COMMD7: variants seen among roughly 807,000 people sequenced by gnomAD.
COMMD7 encodes COMM domain containing 7.
Under a neutral mutation model 34.8 loss-of-function variants are expected in COMMD7, and 28 were observed. The observed-to-expected ratio is 0.80, with a 90% CI of 0.60 to 1.10. The LOEUF is 1.10. COMMD7 is among the 50% of genes least tolerant of loss of function. The pLI, the probability that COMMD7 is intolerant of heterozygous loss-of-function variation, is 0.00. For synonymous variants in COMMD7, 80 were observed against 86.4 expected, an observed-to-expected ratio of 0.93 and a Z score of 0.41; for missense variants, 211 against 241.6, an observed-to-expected ratio of 0.87 and a Z score of 0.84.
intron 3 of COMMD7, among the ~76,000 whole-genome samples, chr20:32,712,021 C>T (rs1281937081): frequency 6.6e-6 from 1 of 150,934 alleles, no homozygotes; most frequent in East Asian, 1.9e-4. Flanking sequence ...CCTGTAATCC[C>T]AGCACTTTGG....
At chr20:32,743,286 C>T in intron 1 of COMMD7, 22 bp downstream of exon 1, 2 of 1,507,650 alleles carry the variant, frequency 1.3e-6, no homozygotes, top group Non-Finnish European at 1.8e-6. Context: ...CCCCGCGCCC[C>T]ACGCCCCGCC....
intron 3 of COMMD7, among the ~76,000 whole-genome samples, chr20:32,709,822 TCTGC>T (rs1984323832): frequency 1.3e-5 from 2 of 152,132 alleles, no homozygotes; most frequent in African/African-American, 4.8e-5. Flanking sequence ...CATTCAGGGT[TCTGC>T]CTGACTCTTA....
At chr20:32,731,024 A>G (rs1165105829) in intron 1 of COMMD7, among the ~76,000 whole-genome samples, 1 of 152,330 alleles carries the variant, frequency 6.6e-6, no homozygotes, top group Admixed American at 6.5e-5. Context: ...TTATTCAAAA[A>G]TGTATTCTAT....
intron 3 of COMMD7, among the ~76,000 whole-genome samples, chr20:32,715,194 A>G (rs1984708894): frequency 6.6e-6 from 1 of 150,978 alleles, no homozygotes. Context: ...AATAATAAAA[A>G]AACAGGCAGC....
In COMMD7 at chr20:32,704,705, C is replaced by T. The variant is rs1600960699; in HGVS notation, c.427+109G>A. The T allele has an allele frequency of 3.5e-6, 3 of 853,832 alleles. No individual in the cohort carries two copies. The East Asian group carries it at 7.3e-5, about 21-fold the overall frequency. 52.9% of individuals were successfully genotyped at this position (853,832 alleles called of 1,614,324 possible). A position where few individuals can be genotyped will look rare whatever the true frequency, so the allele number is the denominator to read the frequency against. ...GAATACAAAACAGCAGCTGCTGCCCCAACAGTGCTAGGGACTAGGTCATGC... is the reference window on the plus strand; with the variant it reads ...GAATACAAAACAGCAGCTGCTGCCCTAACAGTGCTAGGGACTAGGTCATGC... On this transcript the variant is annotated intron_variant, in intron 6 of 8. Coordinates refer to ENST00000278980, the MANE Select transcript of COMMD7 (RefSeq NM_053041.3).
intron 1 of COMMD7, among the ~76,000 whole-genome samples, chr20:32,732,831 G>T (rs1467055542): frequency 1.3e-5 from 2 of 151,764 alleles, no homozygotes; most frequent in African/African-American, 4.8e-5. Flanking sequence ...AGCTACTCGG[G>T]AGGCTGAGGC....
In COMMD7 at chr20:32,706,732, CT is replaced by C; in HGVS notation, c.269del (p.Lys90SerfsTer8). The C allele has an allele frequency of 6.2e-7, 1 of 1,613,868 alleles. No homozygotes were observed. The highest frequency in any genetic ancestry group is 1.1e-5 in the South Asian group (1 of 91,072). On this transcript the variant is annotated frameshift_variant, in exon 4 of 9. Transcript: ENST00000278980. LOFTEE classifies it high-confidence loss of function. ...NGALKKSLTA[K>X]QVQADFITLG... ...GAGTTATGAAATCCGCCTGGACCTGCTTGGCTGTGAGACTCTTCTTCAAAGC... is the reference window on the plus strand; with the variant it reads ...GAGTTATGAAATCCGCCTGGACCTGCTGGCTGTGAGACTCTTCTTCAAAGC...
At chr20:32,717,710 C>G (rs1387685826) in intron 3 of COMMD7, among the ~76,000 whole-genome samples, 2 of 152,082 alleles carry the variant, frequency 1.3e-5, no homozygotes, top group Non-Finnish European at 2.9e-5. Flanking sequence ...GATTCTCCCC[C>G]TTTGACTTCC....
At chr20:32,736,622 A>T (rs1462251544) in intron 1 of COMMD7, among the ~76,000 whole-genome samples, 1 of 152,118 alleles carries the variant, frequency 6.6e-6, no homozygotes, top group African/African-American at 2.4e-5. Flanking sequence ...GTGAGCTGAG[A>T]TCATGCCACT....
At chr20:32,721,821 G>A (rs751456264) in intron 3 of COMMD7, among the ~76,000 whole-genome samples, 4 of 150,678 alleles carry the variant, frequency 2.7e-5, no homozygotes, top group Middle Eastern at 3.5e-3. Context: ...GCTTGAATCC[G>A]GGAGATGGAG....
In COMMD7 at chr20:32,703,510, A is replaced by G. The variant is rs762921081; in HGVS notation, c.527-52T>C. On this transcript the variant is annotated intron_variant, in intron 8 of 8. Transcript: ENST00000278980. ...TAAATGTTTCCAACTCCACAGAATC[A>G]TCCAAGAAAATTAATTTCCACCCGG... 5 of 1,576,164 alleles carry G rather than the reference A, an allele frequency of 3.2e-6. No homozygotes were observed. The East Asian group carries it at 9.0e-5, about 28-fold the overall frequency.
chr20:32,730,800 C>T (rs988727982), intron 1 of COMMD7, among the ~76,000 whole-genome samples: 69 of 152,026 alleles, frequency 4.5e-4, no homozygotes, highest in Admixed American at 4.0e-3. Flanking sequence ...CCAGGCTGGA[C>T]GCTAAACAAA....
At chr20:32,719,608 C>G (rs919602669) in intron 3 of COMMD7, among the ~76,000 whole-genome samples, 1 of 151,950 alleles carries the variant, frequency 6.6e-6, no homozygotes, top group African/African-American at 2.4e-5. Context: ...CAAGATGGCA[C>G]CTTTGCACTC....
chr20:32,719,949 A>G (rs1181978016), intron 3 of COMMD7, among the ~76,000 whole-genome samples: 1 of 152,058 alleles, frequency 6.6e-6, no homozygotes, highest in Non-Finnish European at 1.5e-5. Flanking sequence ...TCAACAAAAC[A>G]AAGGTTACAG....
intron 3 of COMMD7, among the ~76,000 whole-genome samples, chr20:32,726,500 G>A (rs1314210304): frequency 6.6e-6 from 1 of 152,096 alleles, no homozygotes; most frequent in Admixed American, 6.6e-5. Flanking sequence ...TCAGGAGTTT[G>A]AGACCAGCCT....
intron 3 of COMMD7, among the ~76,000 whole-genome samples, chr20:32,715,078 G>A (rs1984700192): frequency 6.6e-6 from 1 of 151,500 alleles, no homozygotes; most frequent in African/African-American, 2.4e-5. Flanking sequence ...TGACCAAGCA[G>A]GGTGGCTGAG....
rs148366127 is a variant in COMMD7 at position 32,706,414 on chromosome 20, G to A, written c.336+169C>T. On this transcript the variant is annotated intron_variant, in intron 5 of 8. Coordinates refer to ENST00000278980, the MANE Select transcript of COMMD7 (RefSeq NM_053041.3). ...TGTAGTCCCAGCTACTGGGGAGGCT[G>A]AGGCAGAAGAATCACTTGAACCCGA... is the stretch of plus-strand genomic sequence containing the variant. 1.9e-3 allele frequency among the ~76,000 whole-genome samples: 295 copies of A among 151,722 alleles called. 1 individual carries two copies. Among genetic ancestry groups the A allele is most frequent in the African/African-American group, 6.9e-3 (285 of 41,360 alleles).
intron 3 of COMMD7, among the ~76,000 whole-genome samples, chr20:32,707,040 G>A (rs1239647685): frequency 6.6e-6 from 1 of 150,678 alleles, no homozygotes; most frequent in Non-Finnish European, 1.5e-5. Context: ...TTGGGAGGCC[G>A]AGGCAGGTGG....
intron 8 of COMMD7, 34 bp downstream of exon 8, chr20:32,703,989 A>T (rs1169956455): frequency 6.2e-7 from 1 of 1,613,898 alleles, no homozygotes; most frequent in East Asian, 2.2e-5. Flanking sequence ...AACACAAAAA[A>T]GGTGAAGAGG....
Sources: gnomAD v4.1 joint callset for allele counts (sites outside exome capture counted in the v4.1 genomes callset) on GRCh38, gnomAD v4.1.1 for gene constraint, MANE v1.5 for transcripts, NCBI Gene and HGNC (gene_info 2026-07-23, HGNC 2026-07-21) for gene names.